Variants in ATP1B4 observed in about 807,000 individuals in gnomAD.
ATP1B4 encodes the protein protein ATP1B4.
A neutral mutation model predicts 29.6 loss-of-function variants in ATP1B4; 32 were observed. The observed-to-expected ratio is 1.08, with a 90% CI of 0.82 to 1.45. The LOEUF is 1.45. ATP1B4 is among the 40% of genes most tolerant of loss of function. ATP1B4 has a pLI of 0.00. For synonymous variants in ATP1B4, 127 were observed against 102.1 expected (o/e 1.24, Z -1.47); for missense variants, 323 against 276.2 (o/e 1.17, Z -1.20).
intron 1 of ATP1B4, among the ~76,000 whole-genome samples, chrX:120,362,819 G>A (rs1265273276): frequency 8.9e-6 from 1 of 111,960 alleles, no homozygotes; most frequent in Non-Finnish European, 1.9e-5. Flanking sequence ...CAAGTTAGTG[G>A]AGGAGCCAAA....
At chrX:120,378,424 C>A (rs2058366753) in intron 6 of ATP1B4, among the ~76,000 whole-genome samples, 1 of 111,351 alleles carries the variant, frequency 9.0e-6, no homozygotes, top group Non-Finnish European at 1.9e-5. Flanking sequence ...CCATACTGAG[C>A]ACCTTTGTCC....
chrX:120,373,547 C>T (rs952317036), intron 4 of ATP1B4, among the ~76,000 whole-genome samples: 1 of 111,930 alleles, frequency 8.9e-6, no homozygotes, highest in Non-Finnish European at 1.9e-5. Flanking sequence ...GGGACTGAGT[C>T]TAACAGGACT....
rs771034630 is a variant in ATP1B4, at chrX:120,379,674, T to C, written c.*40T>C. The C allele has an allele frequency of 8.7e-7, 1 of 1,154,466 alleles. No individual in the cohort carries two copies. Among genetic ancestry groups the C allele is most frequent in the Non-Finnish European group, 1.2e-6 (1 of 861,282 alleles). ...CATTCTTACCAGTTCTGTTTCTGTT[T>C]TATCTCATGGTATCTCTGGTAGCAC... On this transcript the variant is annotated 3_prime_UTR_variant, in exon 8 of 8. Transcript: ENST00000218008.
chrX:120,376,320 T>C (rs1422017476), intron 5 of ATP1B4, 60 bp from the exon 6 acceptor site: 5 of 1,135,609 alleles, frequency 4.4e-6, no homozygotes, highest in African/African-American at 1.8e-5. Flanking sequence ...AAAAGCCCAA[T>C]TTTTTACTGT....
At position 120,366,532 on chromosome X, in the gene ATP1B4, C is replaced by G; in HGVS notation, c.71C>G (p.Pro24Arg). The change falls in exon 2 of 8, where the codon CCG becomes CGG. Residue 24 changes from proline (P) to arginine (R), a missense_variant. Transcript: ENST00000218008. ...GTTTTGTCACTGTTCCAGGATGATC[C>G]GGATGAAGCGAACCAGAACTACTTA... ...PYSYRYRLDD[P>R]DEANQNYLAD... 1 of 1,205,237 alleles carries G rather than the reference C, an allele frequency of 8.3e-7. No homozygotes were observed. Among genetic ancestry groups the G allele is most frequent in the Non-Finnish European group, 1.1e-6 (1 of 891,643 alleles).
At chrX:120,376,312 A>G in intron 5 of ATP1B4, 68 bp from the exon 6 acceptor site, 1 of 1,079,167 alleles carries the variant, frequency 9.3e-7, no homozygotes, top group East Asian at 3.0e-5. Context: ...AAGGTTAGAA[A>G]AGCCCAATTT....
rs144527595 is a variant in ATP1B4, at chrX:120,377,599, A to G, written c.817-1079A>G. Among the ~76,000 whole-genome samples the G allele has an allele frequency of 4.1e-4, 46 of 112,408 alleles. No homozygotes were observed. The East Asian group carries it at 0.011, about 26-fold the overall frequency. ...ATATTAACTGGACAGAGTTCTACTT[A>G]TTGTTCCCTAATGGAAGCTGTTTGT... On this transcript the variant is annotated intron_variant, in intron 6 of 7. Coordinates refer to ENST00000218008, the MANE Select transcript of ATP1B4 (RefSeq NM_001142447.3).
At position 120,362,177 on chromosome X, in the gene ATP1B4, G is replaced by T; in HGVS notation, c.9G>T (p.Arg3Ser). The T allele has an allele frequency of 8.3e-7, 1 of 1,210,990 alleles. No homozygotes were observed. The highest frequency in any genetic ancestry group is 1.1e-6 in the Non-Finnish European group (1 of 895,042). ...TTGCCCACTGAACAGCCATGAGAAG[G>T]CAACTCCGGTCCAGAAGGGCTCCAT... MR[R>S]QLRSRRAPSF... is the part of the protein sequence containing the mutation. The change falls in exon 1 of 8, where the codon AGG (arginine) becomes AGT (serine). Residue 3 changes from arginine (R) to serine (S), a missense_variant. By Grantham distance (110) the Arg-to-Ser change is moderately radical. Coordinates refer to ENST00000218008, the MANE Select transcript of ATP1B4 (RefSeq NM_001142447.3).
intron 1 of ATP1B4, among the ~76,000 whole-genome samples, chrX:120,362,597 G>A (rs899376939): frequency 8.9e-6 from 1 of 112,101 alleles, no homozygotes; most frequent in African/African-American, 3.2e-5. Context: ...AAGGAAGGAG[G>A]AAGAGGAAAT....
intron 1 of ATP1B4, among the ~76,000 whole-genome samples, 165 bp from the exon 2 acceptor site, chrX:120,366,360 A>G (rs2058285429): frequency 8.9e-6 from 1 of 112,276 alleles, no homozygotes; most frequent in Admixed American, 9.4e-5. Context: ...CAAAAGAACT[A>G]GGGAGAAAGA....
Position 120,381,765 on chromosome X carries a change from G to T in ATP1B4, c.*2131G>T, listed in dbSNP as rs1278556263. The T allele has an allele frequency of 1.8e-5, 2 of 112,298 alleles. No homozygotes were observed. The highest frequency in any genetic ancestry group is 6.5e-5 in the African/African-American group (2 of 30,859). 9.3% of individuals were successfully genotyped at this position (112,298 alleles called of 1,213,427 possible). On this transcript the variant is annotated 3_prime_UTR_variant, in exon 8 of 8. Coordinates refer to ENST00000218008, the MANE Select transcript of ATP1B4 (RefSeq NM_001142447.3). Reference sequence around the variant, plus strand: ...CGCACCCGGCTTGCAATTTAGAAAGGGCACTTGGCAACCACTATGTGAAGG... The same window carrying T: ...CGCACCCGGCTTGCAATTTAGAAAGTGCACTTGGCAACCACTATGTGAAGG...
At chrX:120,373,418 C>A (rs1602505195) in intron 4 of ATP1B4, among the ~76,000 whole-genome samples, 1 of 112,155 alleles carries the variant, frequency 8.9e-6, no homozygotes, top group East Asian at 2.8e-4. Context: ...CAAGTCACAA[C>A]CTGTGGGTTT....
At chrX:120,375,663 C>T in intron 5 of ATP1B4, 95 bp downstream of exon 5, 1 of 767,486 alleles carries the variant, frequency 1.3e-6, no homozygotes. Flanking sequence ...TCTTCACACA[C>T]CACAGGTTTG....
intron 6 of ATP1B4, 27 bp downstream of exon 6, chrX:120,376,463 G>A (rs781630433): frequency 1.7e-6 from 2 of 1,164,688 alleles, no homozygotes; most frequent in South Asian, 1.8e-5. Flanking sequence ...AGTAAGCATT[G>A]TTAGCACATC....
At chrX:120,368,603 T>C (rs780846658) in intron 2 of ATP1B4, among the ~76,000 whole-genome samples, 1 of 112,018 alleles carries the variant, frequency 8.9e-6, no homozygotes, top group East Asian at 2.8e-4. Context: ...AGTCATATAG[T>C]TACTAAGTGG....
Position 120,374,763 on chromosome X carries a change from T to A in ATP1B4, c.563-609T>A, listed in dbSNP as rs1386623583. Among the ~76,000 whole-genome samples the A allele has an allele frequency of 4.2e-3, 53 of 12,673 alleles. 6 individuals carry two copies. Among genetic ancestry groups the A allele is most frequent in the Middle Eastern group, 0.12 (1 of 8 alleles). 11.0% of individuals were successfully genotyped at this position (12,673 alleles called of 115,157 possible). On this transcript the variant is annotated intron_variant, in intron 4 of 7. Transcript: ENST00000218008. Reference sequence around the variant, plus strand: ...TATATAAGGGTGTATATATATATATTATATATATATAATATATATATATTA... The same window carrying A: ...TATATAAGGGTGTATATATATATATAATATATATATAATATATATATATTA...
At chrX:120,363,599 G>A (rs750855489) in intron 1 of ATP1B4, among the ~76,000 whole-genome samples, 1 of 112,164 alleles carries the variant, frequency 8.9e-6, no homozygotes, top group Non-Finnish European at 1.9e-5. Context: ...TCTTTGCAGA[G>A]CACAAATTTA....
At chrX:120,375,739 C>T (rs1322004842) in intron 5 of ATP1B4, among the ~76,000 whole-genome samples, 171 bp downstream of exon 5, 2 of 109,022 alleles carry the variant, frequency 1.8e-5, no homozygotes, top group Non-Finnish European at 3.8e-5. Flanking sequence ...TTCCCCCCCG[C>T]CCACCGAGCA....
At chrX:120,368,361 G>A (rs2058296386) in intron 2 of ATP1B4, among the ~76,000 whole-genome samples, 3 of 111,885 alleles carry the variant, frequency 2.7e-5, no homozygotes, top group African/African-American at 9.7e-5. Flanking sequence ...CAAGGTGCCC[G>A]CTTGTGCACT....
Sources: allele counts gnomAD v4.1 joint callset (sites outside exome capture counted in the v4.1 genomes callset), GRCh38; gene constraint gnomAD v4.1.1; transcripts MANE v1.5; gene names NCBI Gene and HGNC (gene_info 2026-07-23, HGNC 2026-07-21).